Variants in MPPED1 observed in about 807,000 individuals in gnomAD.
MPPED1 encodes the protein metallophosphoesterase domain-containing protein 1.
MPPED1 carries 16 observed loss-of-function variants against 36.2 expected under a neutral mutation model. That is an observed-to-expected ratio of 0.44 (90% confidence interval 0.30 to 0.67). The LOEUF (loss-of-function observed/expected upper bound fraction) is 0.67. Ranked by LOEUF, MPPED1 falls within the 30% of genes least tolerant of loss-of-function variation. The pLI is 0.10. For missense variants in MPPED1, 307 were observed against 453.4 expected, an observed-to-expected ratio of 0.68 and a Z score of 2.93; for synonymous variants, 199 against 191.3, an observed-to-expected ratio of 1.04 and a Z score of -0.33.
intron 1 of MPPED1, among the ~76,000 whole-genome samples, chr22:43,416,000 G>C (rs147163171): frequency 6.6e-6 from 1 of 152,148 alleles, no homozygotes; most frequent in Non-Finnish European, 1.5e-5. Context: ...GCATTTTCCG[G>C]ACAGTGCTGC....
chr22:43,490,527 C>A (rs576017950), intron 4 of MPPED1, among the ~76,000 whole-genome samples: 1 of 152,264 alleles, frequency 6.6e-6, no homozygotes, highest in African/African-American at 2.4e-5. Context: ...GCGGCTCTAC[C>A]AGGGGCCAGC....
At chr22:43,438,429 C>A (rs1255601593) in intron 3 of MPPED1, among the ~76,000 whole-genome samples, 3 of 152,122 alleles carry the variant, frequency 2.0e-5, no homozygotes, top group African/African-American at 2.4e-5. Context: ...GGCAGTGGGG[C>A]AGGCACTGGT....
chr22:43,493,687 T>C (rs1452275864), intron 4 of MPPED1, among the ~76,000 whole-genome samples: 1 of 152,160 alleles, frequency 6.6e-6, no homozygotes. Flanking sequence ...GTAATGTACA[T>C]ACTTGGGGCC....
chr22:43,413,326 G>C (rs1208330997), intron 1 of MPPED1, among the ~76,000 whole-genome samples: 1 of 152,068 alleles, frequency 6.6e-6, no homozygotes, highest in African/African-American at 2.4e-5. Flanking sequence ...CGGCGCCGGG[G>C]GGCGGGGGCG....
intron 3 of MPPED1, among the ~76,000 whole-genome samples, chr22:43,465,159 A>G (rs921403327): frequency 3.9e-5 from 6 of 152,200 alleles, no homozygotes; most frequent in African/African-American, 1.4e-4. Flanking sequence ...GCATGGTGAG[A>G]TAGTAGAGAG....
At chr22:43,436,791 G>A (rs576125152) in intron 3 of MPPED1, among the ~76,000 whole-genome samples, 1 of 152,258 alleles carries the variant, frequency 6.6e-6, no homozygotes, top group African/African-American at 2.4e-5. Flanking sequence ...CAGGCACGGG[G>A]TGGCAGGCTC....
At chr22:43,449,397 A>G (rs985436240) in intron 3 of MPPED1, among the ~76,000 whole-genome samples, 1 of 151,360 alleles carries the variant, frequency 6.6e-6, no homozygotes, top group East Asian at 2.0e-4. Flanking sequence ...ACACCGCCAT[A>G]TCTTCAGCAC....
At chr22:43,492,176 C>G (rs368354721) in intron 4 of MPPED1, among the ~76,000 whole-genome samples, 11 of 152,216 alleles carry the variant, frequency 7.2e-5, no homozygotes, top group African/African-American at 2.6e-4. Flanking sequence ...CTGATTTAGT[C>G]ATTTCAACAG....
intron 4 of MPPED1, among the ~76,000 whole-genome samples, chr22:43,485,818 C>A (rs1297053485): frequency 6.6e-6 from 1 of 152,240 alleles, no homozygotes; most frequent in Non-Finnish European, 1.5e-5. Flanking sequence ...GGACCCTGTT[C>A]TTCGGTTCCA....
Position 43,465,145 on chromosome 22 carries a change from G to A in MPPED1, c.407-9591G>A, listed in dbSNP as rs547938796. Among the ~76,000 whole-genome samples the A allele has an allele frequency of 3.3e-5, 5 of 152,362 alleles. No homozygotes were observed. In the South Asian group the frequency reaches 8.3e-4, roughly 25 times the overall value. On this transcript the variant is annotated intron_variant, in intron 3 of 6. Transcript: ENST00000443721. ...GGAGGGGAAAGGCCTCACTATCCCA[G>A]GTCGCATGGTGAGATAGTAGAGAGC... is the stretch of plus-strand genomic sequence containing the variant.
chr22:43,464,483 G>T (rs994708366), intron 3 of MPPED1, among the ~76,000 whole-genome samples: 12 of 152,252 alleles, frequency 7.9e-5, no homozygotes, highest in African/African-American at 2.2e-4. Flanking sequence ...AGCTAAGTGG[G>T]TCTGGAGGCT....
At chr22:43,421,712 A>G (rs1322536732) in intron 1 of MPPED1, among the ~76,000 whole-genome samples, 1 of 152,192 alleles carries the variant, frequency 6.6e-6, no homozygotes, top group Non-Finnish European at 1.5e-5. Flanking sequence ...TCGTCTCTGC[A>G]TCCATGCCTC....
At chr22:43,465,510 G>A (rs375653527) in intron 3 of MPPED1, among the ~76,000 whole-genome samples, 2 of 152,204 alleles carry the variant, frequency 1.3e-5, no homozygotes, top group Non-Finnish European at 2.9e-5. Context: ...CCGTGCTGGC[G>A]GTAGAGCGCT....
At chr22:43,499,589 GGT>G in intron 5 of MPPED1, among the ~76,000 whole-genome samples, 2 of 126,998 alleles carry the variant, frequency 1.6e-5, no homozygotes, top group Non-Finnish European at 3.4e-5. Context: ...AGGTGGTGGT[GGT>G]AGTGGAGGTG....
At chr22:43,478,890 G>A (rs761981211) in intron 4 of MPPED1, among the ~76,000 whole-genome samples, 2 of 152,192 alleles carry the variant, frequency 1.3e-5, no homozygotes, top group East Asian at 1.9e-4. Context: ...TCTAGGGAGC[G>A]TGCGACACTA....
intron 3 of MPPED1, among the ~76,000 whole-genome samples, chr22:43,435,474 G>A (rs1329076269): frequency 6.6e-6 from 1 of 151,544 alleles, no homozygotes; most frequent in Non-Finnish European, 1.5e-5. Context: ...TGGCCTGGAA[G>A]ACCCCCTCCA....
In MPPED1 at chr22:43,480,805, T is replaced by C. The variant is rs570454347; in HGVS notation, c.632+5844T>C. Among the ~76,000 whole-genome samples, 560 of 152,030 alleles carry C rather than the reference T, an allele frequency of 3.7e-3. 4 individuals carry two copies. Among genetic ancestry groups the C allele is most frequent in the Non-Finnish European group, 6.5e-3 (441 of 67,966 alleles). On this transcript the variant is annotated intron_variant, in intron 4 of 6. Coordinates refer to ENST00000443721, the MANE Select transcript of MPPED1 (RefSeq NM_001044370.2). Reference sequence around the variant, plus strand: ...TCTGTTCTCTGAAATAATGAAGACTTATTTCTTTTTCTTTTCTTTTCTTTT... The same window carrying C: ...TCTGTTCTCTGAAATAATGAAGACTCATTTCTTTTTCTTTTCTTTTCTTTT...
chr22:43,500,314 A>AGGT (rs1932670902), intron 5 of MPPED1, among the ~76,000 whole-genome samples: 1 of 13,764 alleles, frequency 7.3e-5, no homozygotes, highest in Non-Finnish European at 1.6e-4. Context: ...ATGGTGATGG[A>AGGT]GGTGGTGATG....
intron 2 of MPPED1, among the ~76,000 whole-genome samples, chr22:43,426,927 G>T (rs557595436): frequency 6.6e-6 from 1 of 152,350 alleles, no homozygotes; most frequent in African/African-American, 2.4e-5. Context: ...GCCGCTCCTC[G>T]GTCTGTGAGA....
Sources: allele counts gnomAD v4.1 joint callset (sites outside exome capture counted in the v4.1 genomes callset), GRCh38; gene constraint gnomAD v4.1.1; transcripts MANE v1.5; gene names NCBI Gene and HGNC (gene_info 2026-07-23, HGNC 2026-07-21).